Variants in PLCB1 observed in about 807,000 individuals in gnomAD.
PLCB1 encodes the protein phospholipase C beta 1, also known as 1-phosphatidylinositol 4,5-bisphosphate phosphodiesterase beta-1.
Under a neutral mutation model 161.8 loss-of-function variants are expected in PLCB1, and 46 were observed. That is an observed-to-expected ratio of 0.28 (90% CI 0.22 to 0.36). The LOEUF (loss-of-function observed/expected upper bound fraction) is 0.36. Ranked by LOEUF, PLCB1 falls within the 10% of genes least tolerant of loss-of-function variation. PLCB1 has a pLI of 1.00. For missense variants in PLCB1, 1,016 were observed against 1,472.5 expected, an observed-to-expected ratio of 0.69 and a Z score of 5.07; for synonymous variants, 517 against 503.7, an observed-to-expected ratio of 1.03 and a Z score of -0.35.
intron 31 of PLCB1, among the ~76,000 whole-genome samples, chr20:8,857,093 A>C (rs1015557376): frequency 3.9e-5 from 6 of 152,114 alleles, no homozygotes; most frequent in African/African-American, 1.4e-4. Context: ...GAACGACCGG[A>C]TCTCTCCACT....
At chr20:8,215,515 TTCAAATA>T (rs1979073470) in intron 2 of PLCB1, among the ~76,000 whole-genome samples, 2 of 151,990 alleles carry the variant, frequency 1.3e-5, no homozygotes, top group Admixed American at 1.3e-4. Context: ...GTTTTTTCCC[TTCAAATA>T]GCTGACATTT....
At chr20:8,531,432 T>C (rs1326875875) in intron 3 of PLCB1, among the ~76,000 whole-genome samples, 2 of 152,166 alleles carry the variant, frequency 1.3e-5, no homozygotes, top group Non-Finnish European at 2.9e-5. Context: ...ATTATTACAA[T>C]TGGAATGTGA....
At chr20:8,342,769 C>CA (rs1985857374) in intron 2 of PLCB1, among the ~76,000 whole-genome samples, 1 of 151,950 alleles carries the variant, frequency 6.6e-6, no homozygotes, top group Non-Finnish European at 1.5e-5. Context: ...AAGAAAGAGA[C>CA]AAAAAAATCC....
chr20:8,398,243 TATAA>T (rs1978378638), intron 3 of PLCB1, among the ~76,000 whole-genome samples: 1 of 152,184 alleles, frequency 6.6e-6, no homozygotes, highest in African/African-American at 2.4e-5. Context: ...CTAAAACATA[TATAA>T]ATATGTATTT....
At chr20:8,704,325 G>A (rs1978541982) in intron 11 of PLCB1, among the ~76,000 whole-genome samples, 1 of 151,482 alleles carries the variant, frequency 6.6e-6, no homozygotes, top group Admixed American at 6.6e-5. Flanking sequence ...CAGCACTCCA[G>A]CCTGGGCAAC....
At chr20:8,572,106 A>G (rs974360330) in intron 3 of PLCB1, among the ~76,000 whole-genome samples, 3 of 152,226 alleles carry the variant, frequency 2.0e-5, no homozygotes, top group African/African-American at 4.8e-5. Context: ...AGCAAATAAA[A>G]TGCCATTTTA....
intron 3 of PLCB1, among the ~76,000 whole-genome samples, chr20:8,407,851 A>G (rs771209380): frequency 3.0e-4 from 45 of 152,158 alleles, no homozygotes; most frequent in Non-Finnish European, 6.0e-4. Context: ...CAGTCTAATC[A>G]TGAGAAAATC....
chr20:8,621,825 A>G (rs2123199644), intron 3 of PLCB1, among the ~76,000 whole-genome samples: 1 of 152,368 alleles, frequency 6.6e-6, no homozygotes, highest in South Asian at 2.1e-4. Context: ...AAAACTGAGC[A>G]AATTACTTCA....
At chr20:8,489,782 A>C (rs559335379) in intron 3 of PLCB1, among the ~76,000 whole-genome samples, 149 of 152,346 alleles carry the variant, frequency 9.8e-4, no homozygotes, top group African/African-American at 3.4e-3. Context: ...ACTTGTAAGT[A>C]AAAGAGCATT....
intron 2 of PLCB1, among the ~76,000 whole-genome samples, chr20:8,225,477 G>A (rs557069767): frequency 1.1e-4 from 17 of 152,102 alleles, no homozygotes; most frequent in Non-Finnish European, 1.6e-4. Context: ...GAGGCTTATA[G>A]TATTTTAGAA....
chr20:8,403,712 A>G (rs759282192), intron 3 of PLCB1, among the ~76,000 whole-genome samples: 2 of 152,196 alleles, frequency 1.3e-5, no homozygotes, highest in Admixed American at 1.3e-4. Context: ...GTGAGCTCTG[A>G]TAGTGCCACT....
intron 3 of PLCB1, among the ~76,000 whole-genome samples, chr20:8,384,591 G>A (rs1184897695): frequency 6.6e-6 from 1 of 152,070 alleles, no homozygotes; most frequent in Non-Finnish European, 1.5e-5. Flanking sequence ...GTCCTTTGGA[G>A]GAGAAGAGGC....
chr20:8,364,763 C>A (rs764089218), intron 2 of PLCB1, among the ~76,000 whole-genome samples: 4 of 152,204 alleles, frequency 2.6e-5, no homozygotes, highest in African/African-American at 4.8e-5. Context: ...TTGACAGTTA[C>A]AATACAACCT....
chr20:8,681,265 T>A (rs1294852780), intron 9 of PLCB1, among the ~76,000 whole-genome samples: 2 of 151,730 alleles, frequency 1.3e-5, no homozygotes, highest in Non-Finnish European at 2.9e-5. Context: ...GTATGACAAA[T>A]ATATGAAGTG....
intron 14 of PLCB1, among the ~76,000 whole-genome samples, chr20:8,720,172 T>G (rs1424147815): frequency 2.0e-5 from 3 of 152,204 alleles, no homozygotes; most frequent in Non-Finnish European, 4.4e-5. Context: ...CAAGCAAACC[T>G]TGTCTTCCTT....
intron 2 of PLCB1, among the ~76,000 whole-genome samples, chr20:8,161,758 T>C (rs2423343): frequency 0.019 from 2,928 of 151,810 alleles, 39 homozygotes; most frequent in Admixed American, 0.039. Context: ...ACTTAATTGG[T>C]CTGGGGTGTG....
chr20:8,852,708 A>G (rs979283956), intron 31 of PLCB1, among the ~76,000 whole-genome samples: 10 of 152,144 alleles, frequency 6.6e-5, no homozygotes, highest in African/African-American at 2.4e-4. Flanking sequence ...AAATCTCCAA[A>G]AGCATAGTTT....
intron 2 of PLCB1, among the ~76,000 whole-genome samples, chr20:8,245,136 G>A (rs1307612172): frequency 2.6e-5 from 4 of 151,796 alleles, no homozygotes; most frequent in Admixed American, 6.6e-5. Context: ...TGTAAATAGA[G>A]CCTTATGCAT....
chr20:8,211,154 T>C (rs1484512753), intron 2 of PLCB1, among the ~76,000 whole-genome samples: 3 of 152,124 alleles, frequency 2.0e-5, no homozygotes, highest in African/African-American at 7.2e-5. Flanking sequence ...ATCCCTTTGT[T>C]TGGTGCCCCA....
Sources: allele counts gnomAD v4.1 joint callset (sites outside exome capture counted in the v4.1 genomes callset), GRCh38; gene constraint gnomAD v4.1.1; transcripts MANE v1.5; gene names NCBI Gene and HGNC (gene_info 2026-07-23, HGNC 2026-07-21).